The following RARB variants were observed in gnomAD, a reference collection of about 807,000 sequenced individuals.
RARB encodes the protein retinoic acid receptor beta.
In RARB, 17 loss-of-function variants were observed where a neutral mutation model predicts 51.9. That is an observed-to-expected ratio of 0.33 (90% CI 0.22 to 0.49). The LOEUF is 0.49. Ranked by LOEUF, RARB falls within the 20% of genes least tolerant of loss-of-function variation. The pLI is 0.99. For synonymous variants in RARB, 215 were observed against 195.4 expected (o/e 1.10, Z -0.84); for missense variants, 369 against 550.8 (o/e 0.67, Z 3.30).
At chr3:25,375,121 C>T (rs1706420181) in intron 5 of RARB, among the ~76,000 whole-genome samples, 1 of 152,158 alleles carries the variant, frequency 6.6e-6, no homozygotes, top group South Asian at 2.1e-4. Flanking sequence ...AACTGTGTTA[C>T]AGGAGATCTG....
chr3:24,839,329 T>G (rs754384959), intron 1 of RARB, among the ~76,000 whole-genome samples: 1 of 152,124 alleles, frequency 6.6e-6, no homozygotes, highest in Non-Finnish European at 1.5e-5. Context: ...TTTTTCTTGA[T>G]TTATACTTTT....
At chr3:24,926,731 T>G (rs897578075) in intron 2 of RARB, among the ~76,000 whole-genome samples, 10 of 151,948 alleles carry the variant, frequency 6.6e-5, no homozygotes, top group African/African-American at 2.4e-4. Context: ...TATATAAATA[T>G]ATAGCATGCC....
At chr3:24,892,585 CAT>C (rs1469332174) in intron 2 of RARB, among the ~76,000 whole-genome samples, 1 of 152,148 alleles carries the variant, frequency 6.6e-6, no homozygotes. Flanking sequence ...ATGGCCAAAA[CAT>C]ATTCATTTCT....
intron 1 of RARB, among the ~76,000 whole-genome samples, chr3:25,438,136 G>A (rs1285748612): frequency 2.0e-5 from 3 of 152,210 alleles, no homozygotes; most frequent in Non-Finnish European, 4.4e-5. Context: ...TTGTCGGTGA[G>A]AGCTCTAGGG....
chr3:25,214,770 C>T (rs527773819), intron 5 of RARB, among the ~76,000 whole-genome samples: 4 of 152,142 alleles, frequency 2.6e-5, no homozygotes, highest in African/African-American at 9.7e-5. Flanking sequence ...TTTGAGATAA[C>T]CCTGAAAGGA....
chr3:25,374,416 T>C (rs1010183158), intron 5 of RARB, among the ~76,000 whole-genome samples: 2 of 152,084 alleles, frequency 1.3e-5, no homozygotes, highest in African/African-American at 4.8e-5. Context: ...CAACAAGGCA[T>C]GATGAACTGC....
chr3:25,046,244 T>A (rs928556155), intron 2 of RARB, among the ~76,000 whole-genome samples: 9 of 152,194 alleles, frequency 5.9e-5, no homozygotes, highest in African/African-American at 2.2e-4. Context: ...GCTCAAAGGC[T>A]TGTGTAATTT....
intron 5 of RARB, among the ~76,000 whole-genome samples, chr3:25,387,982 C>T (rs908791059): frequency 1.3e-5 from 2 of 152,026 alleles, no homozygotes; most frequent in African/African-American, 4.8e-5. Context: ...AGGAGACTTC[C>T]CCCGTCTCAT....
intron 2 of RARB, among the ~76,000 whole-genome samples, chr3:25,492,700 C>T (rs1249913564): frequency 6.6e-6 from 1 of 152,174 alleles, no homozygotes; most frequent in Non-Finnish European, 1.5e-5. Flanking sequence ...TTTGCTAAAC[C>T]TGTAATCTCT....
chr3:24,925,978 C>T (rs1186761007), intron 2 of RARB, among the ~76,000 whole-genome samples: 1 of 152,138 alleles, frequency 6.6e-6, no homozygotes, highest in African/African-American at 2.4e-5. Flanking sequence ...GGAACGCACA[C>T]ACTCCTGTCT....
intron 5 of RARB, among the ~76,000 whole-genome samples, chr3:25,422,468 A>G (rs957624090): frequency 2.6e-5 from 4 of 152,124 alleles, no homozygotes; most frequent in South Asian, 4.1e-4. Flanking sequence ...TACATTTTCC[A>G]TCTCTCAAAT....
At chr3:24,879,644 C>G (rs1007325241) in intron 2 of RARB, among the ~76,000 whole-genome samples, 1 of 151,962 alleles carries the variant, frequency 6.6e-6, no homozygotes, top group Non-Finnish European at 1.5e-5. Flanking sequence ...AAAACATAGA[C>G]AGAACCTGAT....
At chr3:25,022,104 C>T (rs1909521) in intron 2 of RARB, among the ~76,000 whole-genome samples, 74,791 of 151,864 alleles carry the variant, frequency 0.49, 19,103 homozygotes, top group African/African-American at 0.61. Context: ...TTATTACTGC[C>T]AGAAACTGGA....
chr3:24,838,632 G>C (rs903576364), intron 1 of RARB, among the ~76,000 whole-genome samples: 2 of 152,152 alleles, frequency 1.3e-5, no homozygotes, highest in Admixed American at 1.3e-4. Context: ...AACAGAAATA[G>C]TTTATTTAAT....
chr3:24,882,592 C>A (rs939865091), intron 2 of RARB, among the ~76,000 whole-genome samples: 8 of 152,274 alleles, frequency 5.3e-5, no homozygotes, highest in African/African-American at 1.2e-4. Flanking sequence ...ACATCCATTT[C>A]AACTTCAATA....
chr3:24,943,428 G>A (rs1029583944), intron 2 of RARB, among the ~76,000 whole-genome samples: 3 of 152,038 alleles, frequency 2.0e-5, no homozygotes, highest in Non-Finnish European at 2.9e-5. Context: ...TAGGTCTAAC[G>A]GCATGCTAAA....
chr3:25,237,262 T>G (rs1368304582), intron 5 of RARB, among the ~76,000 whole-genome samples: 2 of 152,142 alleles, frequency 1.3e-5, no homozygotes, highest in Non-Finnish European at 2.9e-5. Context: ...TAAAAGTTGG[T>G]GGCATTTATT....
intron 2 of RARB, among the ~76,000 whole-genome samples, chr3:24,957,911 T>C (rs943447809): frequency 1.1e-4 from 17 of 152,240 alleles, no homozygotes; most frequent in African/African-American, 3.9e-4. Flanking sequence ...TAGGTGTATA[T>C]AACTCCAAGA....
At position 25,456,682 on chromosome 3, in the gene RARB, T is replaced by TATATATAGAGAG. The variant is rs1491372969; in HGVS notation, c.158-4510_158-4509insTATATAGAGAGA. On this transcript the variant is annotated intron_variant, in intron 1 of 7. Transcript: ENST00000330688. Reference sequence around the variant, plus strand: ...TTGAATATATATATATATATATATATAGAGAGAGAGAGAGAGAGAGAGAGA... The same window carrying TATATATAGAGAG: ...TTGAATATATATATATATATATATATATATATAGAGAGAGAGAGAGAGAGAGAGAGAGAGAGA... Among the ~76,000 whole-genome samples the TATATATAGAGAG allele has an allele frequency of 1.4e-4, 12 of 88,362 alleles. No individual in the cohort carries two copies. In the East Asian group the frequency reaches 4.1e-3, roughly 30 times the overall value. The allele number at this position is 88,362 out of a possible 152,430, so 58.0% of individuals were successfully genotyped here.
Sources: gnomAD v4.1 joint callset for allele counts (sites outside exome capture counted in the v4.1 genomes callset) on GRCh38, gnomAD v4.1.1 for gene constraint, MANE v1.5 for transcripts, NCBI Gene and HGNC (gene_info 2026-07-23, HGNC 2026-07-21) for gene names.